PLCL1: variants seen among roughly 807,000 people sequenced by gnomAD.
PLCL1 encodes phospholipase C like 1 (inactive), also known as inactive phospholipase C-like protein 1.
A neutral mutation model predicts 84.4 loss-of-function variants in PLCL1; 41 were observed. That is an observed-to-expected ratio of 0.49 (90% CI 0.38 to 0.63). PLCL1 has a LOEUF of 0.63. PLCL1 is among the 30% of genes least tolerant of loss of function. The pLI, the probability that PLCL1 is intolerant of heterozygous loss-of-function variation, is 0.00. For missense variants in PLCL1, 1,206 were observed against 1,367.8 expected (o/e 0.88, Z 1.87); for synonymous variants, 490 against 488.3 (o/e 1.00, Z -0.05).
intron 1 of PLCL1, among the ~76,000 whole-genome samples, chr2:197,850,157 T>A (rs1433389292): frequency 2.6e-5 from 4 of 152,130 alleles, no homozygotes; most frequent in Non-Finnish European, 5.9e-5. Context: ...TTCCAAGGTT[T>A]AGCAATTTCC....
intron 5 of PLCL1, among the ~76,000 whole-genome samples, chr2:198,140,994 T>A (rs1447659551): frequency 6.6e-6 from 1 of 152,160 alleles, no homozygotes; most frequent in Non-Finnish European, 1.5e-5. Context: ...ATTCTCTTCA[T>A]GTTCCTGTAC....
intron 5 of PLCL1, among the ~76,000 whole-genome samples, chr2:198,117,722 T>A (rs1440071042): frequency 1.3e-5 from 2 of 151,914 alleles, no homozygotes; most frequent in Non-Finnish European, 1.5e-5. Flanking sequence ...TATAAAGTCT[T>A]GTATAGGAAA....
At chr2:198,131,529 G>A (rs764045416) in intron 5 of PLCL1, among the ~76,000 whole-genome samples, 16 of 152,104 alleles carry the variant, frequency 1.1e-4, no homozygotes, top group Non-Finnish European at 1.8e-4. Context: ...AGAACGTCTC[G>A]TCAAATCCCC....
rs754075037 is a variant in PLCL1 at position 198,084,037 on chromosome 2, A to G, written c.520A>G (p.Thr174Ala). ...GATCAGACTGGGGAAAAACACGGAA[A>G]CATTTAGAAACAATGGCCTTGCTGA... ...KEIRLGKNTE[T>A]FRNNGLADQI... is the part of the protein sequence containing the mutation. The change falls in exon 2 of 6, where the codon ACA becomes GCA. Residue 174 changes from threonine to alanine, a missense_variant. By Grantham distance (58) the Thr-to-Ala change is moderately conservative. Coordinates refer to ENST00000428675, the MANE Select transcript of PLCL1 (RefSeq NM_006226.4). The G allele has an allele frequency of 3.7e-6, 6 of 1,614,092 alleles. No individual in the cohort carries two copies. The highest frequency in any genetic ancestry group is 3.3e-5 in the Admixed American group (2 of 60,006).
intron 3 of PLCL1, among the ~76,000 whole-genome samples, chr2:198,094,160 C>T (rs893924990): frequency 6.6e-6 from 1 of 152,138 alleles, no homozygotes; most frequent in Non-Finnish European, 1.5e-5. Context: ...CTCCTGGGTT[C>T]ATGCCATTCT....
At chr2:197,874,496 AAAATT>A (rs1687701891) in intron 1 of PLCL1, among the ~76,000 whole-genome samples, 1 of 152,156 alleles carries the variant, frequency 6.6e-6, no homozygotes, top group Non-Finnish European at 1.5e-5. Flanking sequence ...ATACTGACAG[AAAATT>A]AAATTATCTG....
chr2:197,948,923 C>T (rs1212307756), intron 1 of PLCL1, among the ~76,000 whole-genome samples: 1 of 152,108 alleles, frequency 6.6e-6, no homozygotes, highest in Non-Finnish European at 1.5e-5. Context: ...TTTCTAGTCC[C>T]ATGTCTCTGA....
chr2:197,832,382 C>T (rs139092656), intron 1 of PLCL1, among the ~76,000 whole-genome samples: 15 of 152,228 alleles, frequency 9.9e-5, no homozygotes, highest in Non-Finnish European at 1.5e-4. Flanking sequence ...AACACCTCTA[C>T]GCAAATAAAC....
intron 1 of PLCL1, among the ~76,000 whole-genome samples, chr2:197,819,741 G>A (rs1690767884): frequency 6.6e-6 from 1 of 152,018 alleles, no homozygotes; most frequent in South Asian, 2.1e-4. Flanking sequence ...TTTCTTTCAA[G>A]CGTTCATGTT....
At chr2:197,873,820 G>A (rs1687690964) in intron 1 of PLCL1, among the ~76,000 whole-genome samples, 1 of 152,126 alleles carries the variant, frequency 6.6e-6, no homozygotes, top group African/African-American at 2.4e-5. Flanking sequence ...ACCACAATCT[G>A]AGCTTAAATT....
chr2:198,032,127 G>A (rs1295024964), intron 1 of PLCL1, among the ~76,000 whole-genome samples: 2 of 152,086 alleles, frequency 1.3e-5, no homozygotes, highest in East Asian at 3.9e-4. Context: ...TCTCTATGAT[G>A]GTTTAATCAC....
At chr2:197,923,190 G>C (rs1688749509) in intron 1 of PLCL1, among the ~76,000 whole-genome samples, 1 of 144,780 alleles carries the variant, frequency 6.9e-6, no homozygotes. Flanking sequence ...GGACGGGGCG[G>C]CTGGCCGGGC....
chr2:197,871,434 G>A (rs1287066500), intron 1 of PLCL1, among the ~76,000 whole-genome samples: 1 of 152,118 alleles, frequency 6.6e-6, no homozygotes, highest in East Asian at 1.9e-4. Flanking sequence ...TTGGTAAAAT[G>A]CAGATTCCAG....
intron 1 of PLCL1, among the ~76,000 whole-genome samples, chr2:197,815,078 C>T (rs1263126447): frequency 6.6e-6 from 1 of 152,146 alleles, no homozygotes; most frequent in Admixed American, 6.6e-5. Context: ...GCCGGCTACA[C>T]TAAAAAACCT....
At chr2:197,963,476 T>G (rs1689664935) in intron 1 of PLCL1, among the ~76,000 whole-genome samples, 1 of 152,122 alleles carries the variant, frequency 6.6e-6, no homozygotes, top group Non-Finnish European at 1.5e-5. Flanking sequence ...TTACATACTC[T>G]GGTTATTAAT....
intron 1 of PLCL1, among the ~76,000 whole-genome samples, chr2:198,017,818 G>C (rs1255313984): frequency 6.6e-6 from 1 of 152,146 alleles, no homozygotes; most frequent in Admixed American, 6.5e-5. Flanking sequence ...CACTGGTCAG[G>C]CATTCATTCA....
intron 5 of PLCL1, among the ~76,000 whole-genome samples, chr2:198,119,349 C>T (rs1693819073): frequency 6.6e-6 from 1 of 151,954 alleles, no homozygotes; most frequent in Non-Finnish European, 1.5e-5. Context: ...TGATGTTAGT[C>T]TGTTAGCTTC....
At chr2:197,847,903 G>C (rs1320289183) in intron 1 of PLCL1, among the ~76,000 whole-genome samples, 1 of 152,168 alleles carries the variant, frequency 6.6e-6, no homozygotes, top group Admixed American at 6.6e-5. Flanking sequence ...TGTGGTTTGG[G>C]TTATATTTTG....
chr2:198,088,750 G>A (rs907156888), intron 2 of PLCL1, 108 bp from the exon 3 acceptor site: 5 of 766,770 alleles, frequency 6.5e-6, no homozygotes, highest in African/African-American at 3.4e-5. Flanking sequence ...TTATGAATTA[G>A]CCCTCTATTA....
Sources: gnomAD v4.1 joint callset for allele counts (sites outside exome capture counted in the v4.1 genomes callset) on GRCh38, gnomAD v4.1.1 for gene constraint, MANE v1.5 for transcripts, NCBI Gene and HGNC (gene_info 2026-07-23, HGNC 2026-07-21) for gene names.